Variants in DLG2 observed in about 807,000 individuals in gnomAD.
The protein encoded by DLG2 is discs large MAGUK scaffold protein 2.
Under a neutral mutation model 132.5 loss-of-function variants are expected in DLG2, and 45 were observed. The observed-to-expected ratio is 0.34, with a 90% CI of 0.27 to 0.44. The LOEUF (loss-of-function observed/expected upper bound fraction) is 0.44, where lower values mean the gene tolerates loss of function less well. Ranked by LOEUF, DLG2 falls within the 20% of genes least tolerant of loss-of-function variation. The probability of loss-of-function intolerance (pLI) is 1.00; values close to 1 mark genes in which losing one functional copy is unlikely to be tolerated. For synonymous variants in DLG2, 424 were observed against 419.6 expected, an observed-to-expected ratio of 1.01 and a Z score of -0.13; for missense variants, 1,045 against 1,196.9, an observed-to-expected ratio of 0.87 and a Z score of 1.87.
intron 19 of DLG2, among the ~76,000 whole-genome samples, chr11:83,590,895 A>G (rs2097176662): frequency 6.6e-6 from 1 of 151,338 alleles, no homozygotes; most frequent in Non-Finnish European, 1.5e-5. Context: ...ATCTAGAAGA[A>G]ATGGATAAAT....
chr11:85,064,672 A>G (rs1214082718), intron 6 of DLG2, among the ~76,000 whole-genome samples: 2 of 151,714 alleles, frequency 1.3e-5, no homozygotes, highest in African/African-American at 4.8e-5. Context: ...ACACTATTTG[A>G]GATGTTGCTT....
intron 7 of DLG2, among the ~76,000 whole-genome samples, chr11:84,404,170 G>C (rs2098840471): frequency 1.3e-5 from 2 of 152,002 alleles, no homozygotes; most frequent in African/African-American, 4.8e-5. Flanking sequence ...TATTCTACAT[G>C]ATATATCTTG....
intron 6 of DLG2, among the ~76,000 whole-genome samples, chr11:84,793,859 T>C (rs2074208776): frequency 6.6e-6 from 1 of 152,254 alleles, no homozygotes; most frequent in Non-Finnish European, 1.5e-5. Context: ...AGCCATTCTA[T>C]GTCTTTTCAT....
intron 11 of DLG2, among the ~76,000 whole-genome samples, chr11:84,016,976 C>T (rs1481504173): frequency 6.6e-6 from 1 of 151,828 alleles, no homozygotes; most frequent in Non-Finnish European, 1.5e-5. Context: ...GTAACTTTTT[C>T]TGTTGAATTC....
chr11:84,291,834 T>C (rs1287928204), intron 7 of DLG2, among the ~76,000 whole-genome samples: 1 of 152,234 alleles, frequency 6.6e-6, no homozygotes, highest in Non-Finnish European at 1.5e-5. Flanking sequence ...TTAATACGAA[T>C]AAATTTCCAG....
chr11:84,201,820 T>C (rs1180431654), intron 8 of DLG2, among the ~76,000 whole-genome samples: 6 of 119,092 alleles, frequency 5.0e-5, no homozygotes, highest in South Asian at 6.3e-4. Flanking sequence ...TTTTTTTTTT[T>C]TTTTTTTTTT....
rs17810701 is a variant in DLG2 at position 85,626,661 on chromosome 11, G to C, written c.-167C>G. ...CCACAGGAGTCAATATCTCTTTTCA[G>C]GTCTCAGTTTGATCCAGCTGGATTG... On this transcript the variant is annotated 5_prime_UTR_variant, in exon 2 of 28. Coordinates refer to ENST00000376104, the MANE Select transcript of DLG2 (RefSeq NM_001142699.3). 6,039 of 152,192 alleles carry C rather than the reference G, an allele frequency of 0.04. 176 individuals are homozygous for C. Among genetic ancestry groups the C allele is most frequent in the East Asian group, 0.097 (503 of 5,174 alleles). The allele number at this position is 152,192 out of a possible 1,614,324, so 9.4% of individuals were successfully genotyped here.
chr11:85,592,025 T>C (rs1014462807), intron 3 of DLG2, among the ~76,000 whole-genome samples: 9 of 152,200 alleles, frequency 5.9e-5, no homozygotes, highest in Non-Finnish European at 1.2e-4. Flanking sequence ...TAAAACCTTC[T>C]CTAGCAACAA....
In DLG2 at chr11:84,219,535, G is replaced by A. The variant is rs554043139; in HGVS notation, c.573+31703C>T. 3.4e-4 allele frequency among the ~76,000 whole-genome samples: 51 copies of A among 152,192 alleles called. 1 individual carries two copies. The highest frequency in any genetic ancestry group is 1.4e-3 in the Admixed American group (22 of 15,284). ...ATACTTCTTGGGATATGGTAAATTC[G>A]CATGAAATTGTAACAAATTATTAGG... On this transcript the variant is annotated intron_variant, in intron 8 of 27. Coordinates refer to ENST00000376104, the MANE Select transcript of DLG2 (RefSeq NM_001142699.3).
At chr11:84,855,539 C>T (rs908740996) in intron 6 of DLG2, among the ~76,000 whole-genome samples, 5 of 152,044 alleles carry the variant, frequency 3.3e-5, no homozygotes, top group Non-Finnish European at 4.4e-5. Context: ...AAACAATTCC[C>T]TTGTTTGGGT....
At chr11:84,024,745 G>A (rs2095492368) in intron 11 of DLG2, among the ~76,000 whole-genome samples, 1 of 151,956 alleles carries the variant, frequency 6.6e-6, no homozygotes. Context: ...TACAGAGGGT[G>A]GAGGTGAGGA....
At chr11:84,896,146 A>T (rs748479884) in intron 6 of DLG2, among the ~76,000 whole-genome samples, 4 of 152,120 alleles carry the variant, frequency 2.6e-5, no homozygotes, top group Non-Finnish European at 4.4e-5. Context: ...TTAAATCATT[A>T]GCTTTATATA....
At chr11:85,204,458 C>A (rs2081717116) in intron 4 of DLG2, among the ~76,000 whole-genome samples, 1 of 151,852 alleles carries the variant, frequency 6.6e-6, no homozygotes, top group African/African-American at 2.4e-5. Flanking sequence ...ATTAAAATAC[C>A]TAGAAATAAA....
chr11:84,174,563 T>G (rs1047054517), intron 8 of DLG2, among the ~76,000 whole-genome samples: 1 of 152,176 alleles, frequency 6.6e-6, no homozygotes, highest in African/African-American at 2.4e-5. Context: ...TTTATGTTTA[T>G]TAAAATTCTA....
At chr11:85,081,517 C>T (rs1486444358) in intron 6 of DLG2, among the ~76,000 whole-genome samples, 4 of 152,142 alleles carry the variant, frequency 2.6e-5, no homozygotes, top group Non-Finnish European at 4.4e-5. Context: ...AACTCCTTTT[C>T]CTCAAAGCCA....
chr11:85,402,302 A>C (rs1237313668), intron 3 of DLG2, among the ~76,000 whole-genome samples: 6 of 152,214 alleles, frequency 3.9e-5, no homozygotes, highest in Non-Finnish European at 8.8e-5. Context: ...TAGAAAGCTG[A>C]AACTGGATCC....
At position 83,597,121 on chromosome 11, in the gene DLG2, A is replaced by G. The variant is rs530294808; in HGVS notation, c.1940+36090T>C. On this transcript the variant is annotated intron_variant, in intron 19 of 27. Transcript: ENST00000376104. ...TTGCCAAGGCTCAACAGTTGTATCT[A>G]TAAAATAGGGATGGATAGATACCTA... Among the ~76,000 whole-genome samples the G allele has an allele frequency of 8.9e-4, 135 of 152,334 alleles. 2 individuals carry two copies. In the South Asian group the frequency reaches 0.027, roughly 30 times the overall value.
intron 3 of DLG2, among the ~76,000 whole-genome samples, chr11:85,328,950 C>G (rs1388971342): frequency 8.3e-6 from 1 of 120,980 alleles, no homozygotes; most frequent in Non-Finnish European, 1.7e-5. Context: ...AATCAATGTA[C>G]AAAAATCACA....
intron 3 of DLG2, among the ~76,000 whole-genome samples, chr11:85,416,979 A>G (rs912576460): frequency 1.3e-4 from 20 of 152,028 alleles, no homozygotes; most frequent in African/African-American, 4.8e-4. Flanking sequence ...CCAATACTAT[A>G]TCGAATAGGA....
Sources: allele counts gnomAD v4.1 joint callset (sites outside exome capture counted in the v4.1 genomes callset), GRCh38; gene constraint gnomAD v4.1.1; transcripts MANE v1.5; gene names NCBI Gene and HGNC (gene_info 2026-07-23, HGNC 2026-07-21).